CACNA1I: variants seen among roughly 807,000 people sequenced by gnomAD.
CACNA1I encodes the protein calcium voltage-gated channel subunit alpha1 I.
In CACNA1I, 74 loss-of-function variants were observed where a neutral mutation model predicts 201.6. The observed-to-expected ratio is 0.37, with a 90% CI of 0.30 to 0.45. The LOEUF is 0.45. Among genes scored for constraint, CACNA1I ranks in the 20% least tolerant of loss-of-function variants. CACNA1I has a pLI of 1.00. For synonymous variants in CACNA1I, 1,431 were observed against 1,345.2 expected (o/e 1.06, Z -1.40); for missense variants, 2,346 against 3,138.1 (o/e 0.75, Z 6.03).
At chr22:39,602,964 C>T (rs1175509690) in intron 3 of CACNA1I, among the ~76,000 whole-genome samples, 1 of 151,988 alleles carries the variant, frequency 6.6e-6, no homozygotes, top group Non-Finnish European at 1.5e-5. Context: ...CCAGCCTGGG[C>T]AACATAGTGA....
At chr22:39,583,847 T>C (rs999459686) in intron 1 of CACNA1I, among the ~76,000 whole-genome samples, 4 of 152,276 alleles carry the variant, frequency 2.6e-5, no homozygotes, top group Non-Finnish European at 4.4e-5. Context: ...GGGTTCCATG[T>C]TCCAAGAGTG....
rs1934157514 is a variant in CACNA1I, at chr22:39,634,616, A to G, written c.632A>G (p.Asn211Ser). 6.2e-7 allele frequency: 1 copy of G among 1,613,760 alleles called. No individual in the cohort carries two copies. Among genetic ancestry groups the G allele is most frequent in the Non-Finnish European group, 8.5e-7 (1 of 1,179,846 alleles). ...CTGGACACACTGCCCATGCTGGGGA[A>G]TGTCCTGCTGCTCTGCTTCTTTGTC... The part of the protein sequence containing the change: ...LLLDTLPMLG[N>S]VLLLCFFVFF... Residue 211 changes from asparagine to serine, a missense_variant, in exon 5 of 37, where the codon AAT becomes AGT. Coordinates refer to ENST00000402142, the MANE Select transcript of CACNA1I (RefSeq NM_021096.4).
At chr22:39,662,736 C>A (rs371098493) in intron 17 of CACNA1I, 40 bp from the exon 18 acceptor site, 30 of 1,398,528 alleles carry the variant, frequency 2.1e-5, no homozygotes, top group African/African-American at 1.3e-4. Flanking sequence ...GGCAACCCTG[C>A]GCATCGCTGA....
intron 16 of CACNA1I, 79 bp downstream of exon 16, chr22:39,661,389 C>A: frequency 1.8e-6 from 2 of 1,120,886 alleles, no homozygotes; most frequent in Non-Finnish European, 2.5e-6. Flanking sequence ...AGGTACCTGC[C>A]AGTCTAGCCT....
rs1322012790 is a variant in CACNA1I, at chr22:39,648,646, AG to A, written c.1567+723del. 6.6e-6 allele frequency among the ~76,000 whole-genome samples: 1 copy of A among 152,126 alleles called. No individual in the cohort carries two copies. Among genetic ancestry groups the A allele is most frequent in the Non-Finnish European group, 1.5e-5 (1 of 68,016 alleles). On this transcript the variant is annotated intron_variant, in intron 9 of 36. Coordinates refer to ENST00000402142, the MANE Select transcript of CACNA1I (RefSeq NM_021096.4). This position sits in a 1 kb window ranked among gnomAD's most constrained non-coding sequence, Gnocchi z 5.4. ...CATCTGGAGGCAAGTGTGGAAATGA[AG>A]GGTAGGCGTGACATGCTTTTCTTTC...
chr22:39,639,667 G>A (rs1934304852), intron 5 of CACNA1I, among the ~76,000 whole-genome samples: 1 of 152,128 alleles, frequency 6.6e-6, no homozygotes, highest in South Asian at 2.1e-4. Context: ...GTGAGGTTGG[G>A]ATCCAACTAT....
At chr22:39,608,699 A>C (rs1290050143) in intron 3 of CACNA1I, among the ~76,000 whole-genome samples, 1 of 144,158 alleles carries the variant, frequency 6.9e-6, no homozygotes, top group Non-Finnish European at 1.5e-5. Context: ...GTGTGTCTGT[A>C]GTCCCAGCTA....
chr22:39,644,979 C>T (rs569305165), intron 7 of CACNA1I, among the ~76,000 whole-genome samples: 3 of 152,162 alleles, frequency 2.0e-5, no homozygotes, highest in African/African-American at 7.2e-5. Flanking sequence ...TGAGCCGCAG[C>T]CCCCGGCCCC....
At position 39,678,062 on chromosome 22, in the gene CACNA1I, C is replaced by T. The variant is rs1469145706; in HGVS notation, c.5009C>T (p.Thr1670Ile). ...TFENFGMAFL[T>I]LFQVSTGDNW... ...GAGAACTTCGGCATGGCCTTCCTCACACTCTTCCAGGTCTCCACGGGTGAC... is the reference window on the plus strand; with the variant it reads ...GAGAACTTCGGCATGGCCTTCCTCATACTCTTCCAGGTCTCCACGGGTGAC... The change falls in exon 31 of 37, where the codon ACA becomes ATA. Residue 1670 changes from threonine to isoleucine, a missense_variant. Physicochemically the swap from Thr to Ile is moderately conservative, Grantham distance 89. Coordinates refer to ENST00000402142, the MANE Select transcript of CACNA1I (RefSeq NM_021096.4). 1.9e-6 allele frequency: 3 copies of T among 1,609,900 alleles called. No individual in the cohort carries two copies. Among genetic ancestry groups the T allele is most frequent in the East Asian group, 2.2e-5 (1 of 44,780 alleles).
Position 39,648,507 on chromosome 22 carries a change from G to A in CACNA1I, c.1567+581G>A, listed in dbSNP as rs1485297827. Reference sequence around the variant, plus strand: ...GGGAGCAGTGAGCCGGCGCTGGGAAGGGCTTTGGGCCTGTCCTCCGGGGTG... The same window carrying A: ...GGGAGCAGTGAGCCGGCGCTGGGAAAGGCTTTGGGCCTGTCCTCCGGGGTG... On this transcript the variant is annotated intron_variant, in intron 9 of 36. Coordinates refer to ENST00000402142, the MANE Select transcript of CACNA1I (RefSeq NM_021096.4). The surrounding 1 kb of genome is among the most constrained non-coding windows in gnomAD (Gnocchi z 5.4). 3.3e-5 allele frequency among the ~76,000 whole-genome samples: 5 copies of A among 152,098 alleles called. No individual in the cohort carries two copies. Among genetic ancestry groups the A allele is most frequent in the Non-Finnish European group, 5.9e-5 (4 of 68,000 alleles).
At position 39,666,127 on chromosome 22, in the gene CACNA1I, A is replaced by G; in HGVS notation, c.4104+121A>G. On this transcript the variant is annotated intron_variant, in intron 23 of 36. Transcript: ENST00000402142. This position sits in a 1 kb window ranked among gnomAD's most constrained non-coding sequence, Gnocchi z 4.1. The stretch of plus-strand genomic sequence containing the variant: ...GACTGACACTGACTTCTCCTCTCCA[A>G]GCCTCAGTTTCCTCTTCTGCAAAAT... 2 of 1,280,526 alleles carry G rather than the reference A, an allele frequency of 1.6e-6. No individual in the cohort carries two copies. The highest frequency in any genetic ancestry group is 2.5e-5 in the East Asian group (1 of 39,294). The allele number at this position is 1,280,526 out of a possible 1,614,324, so 79.3% of individuals were successfully genotyped here. A position where few individuals can be genotyped will look rare whatever the true frequency, so the allele number is the denominator to read the frequency against.
At chr22:39,664,244 C>A (rs1935113060) in intron 20 of CACNA1I, 85 bp downstream of exon 20, 1 of 1,107,660 alleles carries the variant, frequency 9.0e-7, no homozygotes. Context: ...GCTTGTCACT[C>A]GCCTGCCATC....
chr22:39,657,397 C>T (rs191274495), intron 10 of CACNA1I, among the ~76,000 whole-genome samples: 2 of 152,294 alleles, frequency 1.3e-5, no homozygotes, highest in East Asian at 1.9e-4. Context: ...AGAGCCACCA[C>T]GGGTGCTCTG....
intron 35 of CACNA1I, among the ~76,000 whole-genome samples, chr22:39,683,785 G>A (rs1197998718): frequency 6.7e-6 from 1 of 149,240 alleles, no homozygotes; most frequent in Non-Finnish European, 1.5e-5. Flanking sequence ...AGCCAACCAG[G>A]CCAGACTGAC....
intron 27 of CACNA1I, 77 bp from the exon 28 acceptor site, chr22:39,672,872 T>TC: frequency 1.4e-6 from 2 of 1,478,768 alleles, no homozygotes; most frequent in Non-Finnish European, 9.1e-7. Flanking sequence ...CCTGGGAGGC[T>TC]CCCCCCACTA....
intron 10 of CACNA1I, among the ~76,000 whole-genome samples, chr22:39,652,744 A>G (rs554044515): frequency 1.1e-4 from 17 of 152,298 alleles, no homozygotes; most frequent in African/African-American, 4.1e-4. Context: ...GTCTCTGCAA[A>G]AAATAAACAA....
At chr22:39,647,147 A>G (rs1211192332) in intron 8 of CACNA1I, among the ~76,000 whole-genome samples, 2 of 129,888 alleles carry the variant, frequency 1.5e-5, no homozygotes, top group Admixed American at 8.6e-5. Context: ...ATGTGTGGAG[A>G]TAGCAGATCG....
intron 1 of CACNA1I, among the ~76,000 whole-genome samples, chr22:39,580,284 G>T (rs1347750031): frequency 6.6e-6 from 1 of 152,218 alleles, no homozygotes; most frequent in Admixed American, 6.5e-5. Flanking sequence ...AACTGCTGTG[G>T]AGAAAGTTGT....
chr22:39,581,207 G>A (rs1295867916), intron 1 of CACNA1I, among the ~76,000 whole-genome samples: 1 of 152,182 alleles, frequency 6.6e-6, no homozygotes, highest in African/African-American at 2.4e-5. Context: ...AGGAGAGAGC[G>A]GGAGGGGAGA....
Sources: allele counts gnomAD v4.1 joint callset (sites outside exome capture counted in the v4.1 genomes callset), GRCh38; gene constraint gnomAD v4.1.1; non-coding constraint Gnocchi (gnomAD v3.1); transcripts MANE v1.5; gene names NCBI Gene and HGNC (gene_info 2026-07-23, HGNC 2026-07-21).